Variants in RPS6KA2 observed in about 807,000 individuals in gnomAD.
RPS6KA2 encodes the protein ribosomal protein S6 kinase alpha-2.
A neutral mutation model predicts 91.8 loss-of-function variants in RPS6KA2; 42 were observed. The observed-to-expected ratio is 0.46, with a 90% CI of 0.36 to 0.59. The LOEUF is 0.59. RPS6KA2 is among the 20% of genes least tolerant of loss of function. The pLI, the probability that RPS6KA2 is intolerant of heterozygous loss-of-function variation, is 0.00. For missense variants in RPS6KA2, 798 were observed against 978.5 expected, an observed-to-expected ratio of 0.82 and a Z score of 2.46; for synonymous variants, 414 against 393.6, an observed-to-expected ratio of 1.05 and a Z score of -0.61.
chr6:166,617,794 CG>C (rs1203324291), intron 1 of RPS6KA2, among the ~76,000 whole-genome samples: 1 of 152,212 alleles, frequency 6.6e-6, no homozygotes, highest in Non-Finnish European at 1.5e-5. Flanking sequence ...ACGCATGGCT[CG>C]GGGGCAACGG....
chr6:166,855,991 T>C (rs1003605159), intron 2 of RPS6KA2, among the ~76,000 whole-genome samples: 10 of 152,234 alleles, frequency 6.6e-5, no homozygotes, highest in African/African-American at 2.4e-4. Flanking sequence ...AGAGGTTGGT[T>C]ACTTTCATTA....
intron 2 of RPS6KA2, among the ~76,000 whole-genome samples, chr6:166,659,854 C>T (rs1199529334): frequency 6.6e-6 from 1 of 152,158 alleles, no homozygotes; most frequent in African/African-American, 2.4e-5. Context: ...GCGGTGGTAG[C>T]TGCTCTTATC....
At chr6:166,589,741 T>C (rs1785297223) in intron 1 of RPS6KA2, among the ~76,000 whole-genome samples, 2 of 152,242 alleles carry the variant, frequency 1.3e-5, no homozygotes, top group South Asian at 4.1e-4. Flanking sequence ...GAGCGTGGTC[T>C]ATCAGTCTTA....
chr6:166,538,617 G>T, intron 2 of RPS6KA2, 51 bp downstream of exon 2: 4 of 1,040,536 alleles, frequency 3.8e-6, no homozygotes, highest in Non-Finnish European at 4.5e-6. Context: ...CTGTCCAGGT[G>T]TCCTTTGTGT....
chr6:166,538,878 G>A (rs756617112), intron 1 of RPS6KA2, 94 bp from the exon 2 acceptor site: 20 of 657,340 alleles, frequency 3.0e-5, no homozygotes, highest in Non-Finnish European at 5.6e-5. Flanking sequence ...CACGAGCTGG[G>A]TCTGTTACAG....
rs928724880 is a variant in RPS6KA2, at chr6:166,612,318, G to A, written c.99+14603C>T. 1.3e-4 allele frequency among the ~76,000 whole-genome samples: 20 copies of A among 152,132 alleles called. No homozygotes were observed. Among genetic ancestry groups the A allele is most frequent in the Non-Finnish European group, 2.6e-4 (18 of 68,024 alleles). On this transcript the variant is annotated intron_variant, in intron 1 of 20. Coordinates refer to ENST00000265678, the MANE Select transcript of RPS6KA2 (RefSeq NM_021135.6). The surrounding 1 kb of genome is among the most constrained non-coding windows in gnomAD (Gnocchi z 4.3). ...AAGAGACTGGGACTTGTCCTTTCTG[G>A]CTTCTCAGTGGTCTGCTCAGAGACG...
At position 166,857,103 on chromosome 6, in the gene RPS6KA2, G is replaced by A. The variant is rs572387064; in HGVS notation, c.123+1097C>T. Among the ~76,000 whole-genome samples, 16 of 152,324 alleles carry A rather than the reference G, an allele frequency of 1.1e-4. No homozygotes were observed. In the South Asian group the frequency reaches 3.1e-3, roughly 30 times the overall value. On this transcript the variant is annotated intron_variant, in intron 2 of 21. Coordinates refer to the RPS6KA2 transcript ENST00000503859. ...CTATGTCATCGGATCATAAGATCCA[G>A]CGACACTTGGCTTAAATGTTGCATT...
At position 166,661,188 on chromosome 6, in the gene RPS6KA2, C is replaced by T. The variant is rs1442831632; in HGVS notation, c.124-122404G>A. 2.0e-5 allele frequency among the ~76,000 whole-genome samples: 3 copies of T among 152,242 alleles called. No homozygotes were observed. In the East Asian group the frequency reaches 5.8e-4, roughly 29 times the overall value. On this transcript the variant is annotated intron_variant, in intron 2 of 21. Coordinates refer to the RPS6KA2 transcript ENST00000503859. ...CGATCTCAGCTCACTACAACCCCTG[C>T]CTCCTGGATTCAAGCGATTCTCCTG... is the stretch of plus-strand genomic sequence containing the variant.
chr6:166,771,004 C>T, intron 2 of RPS6KA2: 2 of 1,027,132 alleles, frequency 1.9e-6, no homozygotes, highest in Non-Finnish European at 2.8e-6. Flanking sequence ...TACTACCATA[C>T]TCACCAGGCC....
At chr6:166,602,163 C>T (rs1583317051) in intron 1 of RPS6KA2, among the ~76,000 whole-genome samples, 1 of 152,066 alleles carries the variant, frequency 6.6e-6, no homozygotes, top group African/African-American at 2.4e-5. Context: ...GGTGGGACAC[C>T]ATCTCACACA....
At position 166,724,831 on chromosome 6, in the gene RPS6KA2, T is replaced by C. The variant is rs1006017100; in HGVS notation, c.123+133369A>G. Among the ~76,000 whole-genome samples, 7 of 152,382 alleles carry C rather than the reference T, an allele frequency of 4.6e-5. No individual in the cohort carries two copies. In the South Asian group the frequency reaches 1.2e-3, roughly 27 times the overall value. On this transcript the variant is annotated intron_variant, in intron 2 of 21. Transcript: ENST00000503859. ...ATCAGCTTTACACAGACTCCTGTCA[T>C]AGCCTAGTCTGAAAGATAAACAAGT...
intron 1 of RPS6KA2, among the ~76,000 whole-genome samples, chr6:166,858,754 G>A (rs1536644): frequency 0.77 from 117,672 of 152,244 alleles, 49,753 homozygotes; most frequent in Non-Finnish European, 0.93. Flanking sequence ...CCCATAAAAC[G>A]TAAAGCAAGT....
chr6:166,640,308 A>G (rs897458481), intron 2 of RPS6KA2, among the ~76,000 whole-genome samples: 3 of 152,250 alleles, frequency 2.0e-5, no homozygotes, highest in African/African-American at 7.2e-5. Flanking sequence ...TTGTTTTAGC[A>G]AATTTTCATT....
intron 10 of RPS6KA2, among the ~76,000 whole-genome samples, chr6:166,482,240 T>A (rs932600495): frequency 1.1e-4 from 17 of 152,228 alleles, no homozygotes; most frequent in African/African-American, 4.1e-4. Context: ...TGCACGTGCA[T>A]CTCTTTGTTT....
intron 3 of RPS6KA2, among the ~76,000 whole-genome samples, chr6:166,519,105 G>A (rs572688544): frequency 1.3e-4 from 20 of 152,334 alleles, no homozygotes; most frequent in East Asian, 9.6e-4. Context: ...TGCTGAGTAC[G>A]TTCAAGCCGC....
intron 14 of RPS6KA2, among the ~76,000 whole-genome samples, chr6:166,439,363 C>T (rs1370538498): frequency 6.6e-6 from 1 of 152,232 alleles, no homozygotes; most frequent in Non-Finnish European, 1.5e-5. Context: ...CTGCCTTGGC[C>T]TTTCAATGTG....
intron 1 of RPS6KA2, among the ~76,000 whole-genome samples, chr6:166,859,488 T>A (rs951174547): frequency 6.6e-6 from 1 of 152,250 alleles, no homozygotes; most frequent in East Asian, 1.9e-4. Flanking sequence ...ATGTTTCTTT[T>A]TCATGCTAGA....
intron 2 of RPS6KA2, among the ~76,000 whole-genome samples, chr6:166,839,020 C>A (rs1378419415): frequency 6.6e-6 from 1 of 152,118 alleles, no homozygotes; most frequent in African/African-American, 2.4e-5. Flanking sequence ...CTGGCACAGG[C>A]AGGAAGTGGG....
chr6:166,453,988 G>T (rs1780002663), intron 12 of RPS6KA2, among the ~76,000 whole-genome samples: 1 of 152,212 alleles, frequency 6.6e-6, no homozygotes, highest in Non-Finnish European at 1.5e-5. Context: ...TCATAAGTGG[G>T]TGCTAAATTG....
Sources: allele counts gnomAD v4.1 joint callset (sites outside exome capture counted in the v4.1 genomes callset), GRCh38; gene constraint gnomAD v4.1.1; non-coding constraint Gnocchi (gnomAD v3.1); transcripts MANE v1.5; gene names NCBI Gene and HGNC (gene_info 2026-07-23, HGNC 2026-07-21).